Variants in WDR17 observed in about 807,000 individuals in gnomAD.
WDR17 encodes WD repeat-containing protein 17.
In WDR17, 143 loss-of-function variants were observed where a neutral mutation model predicts 161.7. The ratio of observed to expected loss-of-function variants is 0.88; its 90% CI spans 0.77 to 1.02. The LOEUF (loss-of-function observed/expected upper bound fraction) is 1.02. WDR17 is among the 50% of genes least tolerant of loss of function. WDR17 has a pLI of 0.00. For missense variants in WDR17, 1,469 were observed against 1,520.9 expected (o/e 0.97, Z 0.57); for synonymous variants, 517 against 515.6 (o/e 1.00, Z -0.04).
chr4:176,111,508 T>A (rs1441721316), intron 1 of WDR17, 67 bp from the exon 2 acceptor site: 1 of 1,537,974 alleles, frequency 6.5e-7, no homozygotes, highest in East Asian at 2.4e-5. Flanking sequence ...GGAAGATAGA[T>A]GTAAAACAAT....
chr4:176,118,956 G>A lies in WDR17; in HGVS notation c.308-911G>A, dbSNP rs187958143. The stretch of plus-strand genomic sequence containing the variant: ...AGCCTGGGCAACAGAGCAAGACTCC[G>A]TCTCAAAAAATAATAATTATTATAA... On this transcript the variant is annotated intron_variant, in intron 3 of 28. Coordinates refer to ENST00000508596, the MANE Select transcript of WDR17 (RefSeq NM_181265.4). Among the ~76,000 whole-genome samples, 71 of 151,738 alleles carry A rather than the reference G, an allele frequency of 4.7e-4. No individual in the cohort carries two copies. In the East Asian group the frequency reaches 9.7e-3, roughly 21 times the overall value.
At chr4:176,114,954 A>C (rs953022812) in intron 2 of WDR17, among the ~76,000 whole-genome samples, 1 of 151,882 alleles carries the variant, frequency 6.6e-6, no homozygotes, top group Non-Finnish European at 1.5e-5. Flanking sequence ...GTGAACAGGG[A>C]GGAACATGAT....
chr4:176,170,007 G>C (rs1561214173), intron 23 of WDR17, among the ~76,000 whole-genome samples: 1 of 152,222 alleles, frequency 6.6e-6, no homozygotes, highest in East Asian at 1.9e-4. Context: ...TTAACTGGTA[G>C]TGTTTGAATG....
intron 1 of WDR17, among the ~76,000 whole-genome samples, chr4:176,089,652 C>A (rs188983422): frequency 6.6e-6 from 1 of 151,918 alleles, no homozygotes; most frequent in South Asian, 2.1e-4. Context: ...GTATGAGTGC[C>A]GAGTGTAGTA....
chr4:176,142,221 G>T, intron 11 of WDR17, 152 bp downstream of exon 11: 2 of 480,878 alleles, frequency 4.2e-6, no homozygotes, highest in South Asian at 6.6e-5. Flanking sequence ...CCTTGTAATT[G>T]CTCATTTATT....
intron 11 of WDR17, among the ~76,000 whole-genome samples, chr4:176,143,110 C>T (rs1245720129): frequency 6.6e-6 from 1 of 152,132 alleles, no homozygotes; most frequent in African/African-American, 2.4e-5. Flanking sequence ...AATTCCCGAC[C>T]TCAGGTGATC....
chr4:176,174,655 GTGCAT>G lies in WDR17; in HGVS notation c.3388_3392del (p.Ala1130ThrfsTer16). On this transcript the variant is annotated frameshift_variant, in exon 26 of 29. Coordinates refer to ENST00000508596, the MANE Select transcript of WDR17 (RefSeq NM_181265.4). LOFTEE classifies it high-confidence loss of function. ...TTGCTGATATTATGTGGTTACATTG[GTGCAT>G]TACTGGCTATCAGAAGACAGTACCA... The G allele has an allele frequency of 3.1e-6, 5 of 1,612,102 alleles. No homozygotes were observed. Among genetic ancestry groups the G allele is most frequent in the Non-Finnish European group, 3.4e-6 (4 of 1,178,800 alleles).
chr4:176,137,514 C>G lies in WDR17; in HGVS notation c.1268-6C>G, dbSNP rs1252675935. On this transcript the variant is annotated splice_region_variant and splice_polypyrimidine_tract_variant and intron_variant, in intron 8 of 28. Coordinates refer to ENST00000508596, the MANE Select transcript of WDR17 (RefSeq NM_181265.4). The stretch of plus-strand genomic sequence containing the variant: ...TAGTATAATGTCTAACAAATTGTTT[C>G]CTAAGGTGGTTTAAATTGTATTGCT... 1.9e-6 allele frequency: 3 copies of G among 1,600,306 alleles called. No homozygotes were observed. Among genetic ancestry groups the G allele is most frequent in the Non-Finnish European group, 2.6e-6 (3 of 1,171,244 alleles).
intron 5 of WDR17, among the ~76,000 whole-genome samples, chr4:176,128,340 A>C (rs1742782166): frequency 1.3e-5 from 2 of 152,218 alleles, no homozygotes; most frequent in Admixed American, 6.5e-5. Context: ...ACAGTGGAGC[A>C]GTTTATAAAC....
chr4:176,116,435 T>TA (rs1351235754), intron 3 of WDR17, among the ~76,000 whole-genome samples: 2 of 151,766 alleles, frequency 1.3e-5, no homozygotes, highest in Non-Finnish European at 1.5e-5. Context: ...ACATCCTCAT[T>TA]CACATAAATT....
In WDR17 at chr4:176,174,738, C is replaced by T. The variant is rs1286871368; in HGVS notation, c.3449+20C>T. ...CACAAGGTAAAAAAGGTTTTTTCCTCCATCATGACATTAGAGCAATTTCTC... is the reference window on the plus strand; with the variant it reads ...CACAAGGTAAAAAAGGTTTTTTCCTTCATCATGACATTAGAGCAATTTCTC... On this transcript the variant is annotated intron_variant, in intron 26 of 28. Transcript: ENST00000508596. 3 of 1,535,474 alleles carry T rather than the reference C, an allele frequency of 2.0e-6. No homozygotes were observed. In the East Asian group the frequency reaches 6.8e-5, roughly 35 times the overall value.
At chr4:176,143,781 T>C (rs1745701920) in intron 11 of WDR17, among the ~76,000 whole-genome samples, 1 of 152,102 alleles carries the variant, frequency 6.6e-6, no homozygotes, top group Non-Finnish European at 1.5e-5. Context: ...GCAGAAACCT[T>C]CTAAGTCAGT....
intron 5 of WDR17, 39 bp from the exon 6 acceptor site, chr4:176,128,699 A>C: frequency 6.3e-7 from 1 of 1,581,134 alleles, no homozygotes; most frequent in Non-Finnish European, 8.5e-7. Context: ...AGTTTCATAC[A>C]AAACTTGTTA....
At chr4:176,143,431 A>G (rs190816953) in intron 11 of WDR17, among the ~76,000 whole-genome samples, 21 of 151,828 alleles carry the variant, frequency 1.4e-4, no homozygotes, top group African/African-American at 4.8e-4. Context: ...TCGGAAGCTG[A>G]GGCCAGAGGG....
chr4:176,160,254 C>G, intron 19 of WDR17, 128 bp downstream of exon 19: 1 of 1,007,740 alleles, frequency 9.9e-7, no homozygotes, highest in Non-Finnish European at 1.4e-6. Context: ...CTGCCCTCCT[C>G]CCTGGCCTTC....
intron 7 of WDR17, among the ~76,000 whole-genome samples, chr4:176,134,212 G>C (rs1297899530): frequency 1.3e-5 from 2 of 151,682 alleles, no homozygotes; most frequent in Non-Finnish European, 3.0e-5. Flanking sequence ...ATTAATGGAA[G>C]TACACAGAGT....
In WDR17 at chr4:176,148,386, A is replaced by G. The variant is rs373774377; in HGVS notation, c.1897+51A>G. On this transcript the variant is annotated intron_variant, in intron 13 of 28. Coordinates refer to ENST00000508596, the MANE Select transcript of WDR17 (RefSeq NM_181265.4). ...TATTTGTTATATTGACATACTAATG[A>G]TGCTTATAACTTCTGAGGAATACAG... 1.4e-3 allele frequency: 2,053 copies of G among 1,506,762 alleles called. 49 individuals carry two copies. The South Asian group carries it at 0.023, about 17-fold the overall frequency. 93.3% of individuals were successfully genotyped at this position (1,506,762 alleles called of 1,614,324 possible). A position where few individuals can be genotyped will look rare whatever the true frequency, so the allele number is the denominator to read the frequency against.
chr4:176,096,483 G>T lies in WDR17; in HGVS notation c.-6-15092G>T, dbSNP rs762155847. On this transcript the variant is annotated intron_variant, in intron 1 of 28. Coordinates refer to ENST00000508596, the MANE Select transcript of WDR17 (RefSeq NM_181265.4). ...TTTAGGTGCTGACTATTCTGATGCCGAGTTTCCAATTGCCTTGATTAAAGT... is the reference window on the plus strand; with the variant it reads ...TTTAGGTGCTGACTATTCTGATGCCTAGTTTCCAATTGCCTTGATTAAAGT... 23 of 1,555,890 alleles carry T rather than the reference G, an allele frequency of 1.5e-5. No homozygotes were observed. The South Asian group carries it at 2.7e-4, about 18-fold the overall frequency.
chr4:176,074,790 A>G (rs183370598), intron 1 of WDR17, among the ~76,000 whole-genome samples: 1 of 130,246 alleles, frequency 7.7e-6, no homozygotes, highest in Admixed American at 7.9e-5. Context: ...AGCTCTGGGC[A>G]TGCGGGATTT....
Sources: allele counts gnomAD v4.1 joint callset (sites outside exome capture counted in the v4.1 genomes callset), GRCh38; gene constraint gnomAD v4.1.1; transcripts MANE v1.5; gene names NCBI Gene and HGNC (gene_info 2026-07-23, HGNC 2026-07-21).